Variants in PALM2AKAP2 observed in about 807,000 individuals in gnomAD.
PALM2AKAP2 encodes the protein PALM2 and AKAP2 fusion.
In PALM2AKAP2, 37 loss-of-function variants were observed where a neutral mutation model predicts 71.5. That is an observed-to-expected ratio of 0.52 (90% CI 0.40 to 0.68). PALM2AKAP2 has a LOEUF of 0.68. PALM2AKAP2 is among the 30% of genes least tolerant of loss of function. The probability of loss-of-function intolerance (pLI) is 0.00; values close to 1 mark genes in which losing one functional copy is unlikely to be tolerated. For missense variants in PALM2AKAP2, 1,224 were observed against 1,191.8 expected (o/e 1.03, Z -0.40); for synonymous variants, 468 against 478.8 (o/e 0.98, Z 0.29).
At chr9:110,098,480 C>T (rs1349250275) in intron 1 of PALM2AKAP2, among the ~76,000 whole-genome samples, 1 of 152,096 alleles carries the variant, frequency 6.6e-6, no homozygotes, top group African/African-American at 2.4e-5. Context: ...AGGGTGAATT[C>T]AATGGTATGT....
chr9:109,798,652 A>G (rs1827332635), intron 1 of PALM2AKAP2, among the ~76,000 whole-genome samples: 1 of 152,190 alleles, frequency 6.6e-6, no homozygotes. Flanking sequence ...ATGTCAACAG[A>G]GCTGCCCCCA....
Position 110,135,164 on chromosome 9 carries a change from A to AAAAT in PALM2AKAP2, c.157-962_157-961insAATA. Among the ~76,000 whole-genome samples the AAAAT allele has an allele frequency of 1.4e-3, 70 of 51,724 alleles. 6 individuals carry two copies. The highest frequency in any genetic ancestry group is 2.5e-3 in the East Asian group (2 of 792). 33.9% of individuals were successfully genotyped at this position (51,724 alleles called of 152,430 possible). ...AACTCTGTCTCTACAAAAAAAAAAAAATATATAAATATATATATATATATA... is the reference window on the plus strand; with the variant it reads ...AACTCTGTCTCTACAAAAAAAAAAAAAAATATATATAAATATATATATATATATA... On this transcript the variant is annotated intron_variant, in intron 1 of 3. Coordinates refer to ENST00000374525, the Ensembl canonical transcript of PALM2AKAP2.
chr9:109,743,329 G>A (rs1828745792), intron 1 of PALM2AKAP2, among the ~76,000 whole-genome samples: 2 of 152,158 alleles, frequency 1.3e-5, no homozygotes, highest in Non-Finnish European at 2.9e-5. Flanking sequence ...ACAGGGTGTT[G>A]AGTCAGCGTC....
intron 3 of PALM2AKAP2, among the ~76,000 whole-genome samples, chr9:109,882,591 G>A (rs760775061): frequency 1.3e-5 from 2 of 152,018 alleles, no homozygotes; most frequent in Admixed American, 6.6e-5. Flanking sequence ...AGGCAGAAAG[G>A]ATTTGGAAAA....
At chr9:109,735,566 C>T (rs1395691653) in intron 1 of PALM2AKAP2, among the ~76,000 whole-genome samples, 3 of 152,118 alleles carry the variant, frequency 2.0e-5, no homozygotes, top group African/African-American at 7.2e-5. Flanking sequence ...TGTAATCACA[C>T]AGCAAGTTAA....
At chr9:109,874,229 C>T (rs2131729201) in intron 2 of PALM2AKAP2, among the ~76,000 whole-genome samples, 1 of 152,126 alleles carries the variant, frequency 6.6e-6, no homozygotes, top group East Asian at 1.9e-4. Flanking sequence ...GAGAGAGCAT[C>T]AATATGGAAC....
intron 6 of PALM2AKAP2, among the ~76,000 whole-genome samples, chr9:109,937,456 G>A (rs944848690): frequency 6.6e-6 from 1 of 152,096 alleles, no homozygotes; most frequent in African/African-American, 2.4e-5. Context: ...TCATTCATCT[G>A]TATCCCTTTG....
chr9:109,799,257 G>A (rs1827352125), intron 1 of PALM2AKAP2, among the ~76,000 whole-genome samples: 1 of 152,230 alleles, frequency 6.6e-6, no homozygotes, highest in Admixed American at 6.5e-5. Flanking sequence ...TGATGGGCAG[G>A]GGGTGCTGGA....
intron 1 of PALM2AKAP2, among the ~76,000 whole-genome samples, chr9:109,698,272 A>ATTTTTT (rs774359983): frequency 2.4e-4 from 29 of 118,566 alleles, no homozygotes; most frequent in African/African-American, 8.6e-4. Flanking sequence ...TGTGTGCTAC[A>ATTTTTT]TTTTTTTTTT....
intron 1 of PALM2AKAP2, among the ~76,000 whole-genome samples, chr9:109,697,281 C>G (rs1181698453): frequency 2.6e-5 from 4 of 151,924 alleles, no homozygotes; most frequent in East Asian, 3.9e-4. Context: ...TAATATATTA[C>G]CATTTATGTT....
At chr9:109,764,778 G>A (rs539627260) in intron 1 of PALM2AKAP2, among the ~76,000 whole-genome samples, 95 of 151,954 alleles carry the variant, frequency 6.3e-4, no homozygotes, top group South Asian at 1.5e-3. Context: ...ATAGATGGAT[G>A]CATGGGTAGA....
chr9:109,867,533 C>G, exon 2 of PALM2AKAP2: 1 of 1,612,994 alleles, frequency 6.2e-7, no homozygotes, highest in Non-Finnish European at 8.5e-7. Context: ...CAAGCGACAA[C>G]AGCTTGACGA....
chr9:109,812,400 C>T (rs1376420073), intron 1 of PALM2AKAP2, among the ~76,000 whole-genome samples: 1 of 152,094 alleles, frequency 6.6e-6, no homozygotes, highest in Non-Finnish European at 1.5e-5. Flanking sequence ...GGGTTGGTCT[C>T]TTTGCTGGGC....
intron 1 of PALM2AKAP2, among the ~76,000 whole-genome samples, chr9:110,100,119 T>C (rs1262731301): frequency 8.3e-5 from 12 of 145,270 alleles, no homozygotes; most frequent in East Asian, 4.0e-4. Flanking sequence ...AATGGGAGAA[T>C]AGATTTCTTT....
chr9:109,933,844 A>C (rs1286002726), intron 6 of PALM2AKAP2, among the ~76,000 whole-genome samples: 1 of 152,240 alleles, frequency 6.6e-6, no homozygotes, highest in Non-Finnish European at 1.5e-5. Context: ...TCCTTTGTCC[A>C]GGCTGTTTAG....
At chr9:109,950,801 G>A (rs556217601) in intron 6 of PALM2AKAP2, among the ~76,000 whole-genome samples, 3 of 151,090 alleles carry the variant, frequency 2.0e-5, no homozygotes, top group African/African-American at 7.3e-5. Context: ...ACTCCAAAAT[G>A]AAAGAACTAT....
At chr9:109,688,815 C>T (rs1216589215) in intron 1 of PALM2AKAP2, among the ~76,000 whole-genome samples, 1 of 152,204 alleles carries the variant, frequency 6.6e-6, no homozygotes, top group Non-Finnish European at 1.5e-5. Flanking sequence ...TGGTCCAATT[C>T]ATCAGCCTGC....
chr9:110,170,129 A>G (rs1836823206), exon 4 of PALM2AKAP2: 1 of 152,456 alleles, frequency 6.6e-6, no homozygotes, highest in African/African-American at 2.4e-5. Flanking sequence ...TCTGTCATTT[A>G]AAGCAATATG....
upstream of PALM2AKAP2, among the ~76,000 whole-genome samples, chr9:110,045,387 C>G (rs1833578181): frequency 6.6e-6 from 1 of 152,124 alleles, no homozygotes; most frequent in African/African-American, 2.4e-5. Flanking sequence ...TATGTTAACA[C>G]ACGTATGATG....
Sources: allele counts gnomAD v4.1 joint callset (sites outside exome capture counted in the v4.1 genomes callset), GRCh38; gene constraint gnomAD v4.1.1; transcripts MANE v1.5; gene names NCBI Gene and HGNC (gene_info 2026-07-23, HGNC 2026-07-21).